AMPD3: variants seen among roughly 807,000 people sequenced by gnomAD.
AMPD3 encodes the protein adenosine monophosphate deaminase 3.
Under a neutral mutation model 82.3 loss-of-function variants are expected in AMPD3, and 57 were observed. That is an observed-to-expected ratio of 0.69 (90% confidence interval 0.56 to 0.86). The LOEUF is 0.86. AMPD3 is among the 40% of genes least tolerant of loss of function. AMPD3 has a pLI of 0.00. For synonymous variants in AMPD3, 381 were observed against 394.7 expected (o/e 0.97, Z 0.41); for missense variants, 870 against 1,003.8 (o/e 0.87, Z 1.80).
At chr11:10,452,524 C>T (rs375640064), upstream of AMPD3, among the ~76,000 whole-genome samples, 5 of 152,008 alleles carry the variant, frequency 3.3e-5, no homozygotes, top group East Asian at 9.7e-4. Flanking sequence ...GAAGGATGTT[C>T]CTCCTCCTGA....
chr11:10,494,871 C>A (rs199940738), intron 7 of AMPD3, 28 bp from the exon 8 acceptor site: 3 of 1,605,320 alleles, frequency 1.9e-6, no homozygotes, highest in Admixed American at 1.7e-5. Flanking sequence ...CAGAACGATG[C>A]GTTGATTGGT....
chr11:10,490,124 G>T (rs1849199170), intron 6 of AMPD3, among the ~76,000 whole-genome samples: 1 of 152,208 alleles, frequency 6.6e-6, no homozygotes, highest in South Asian at 2.1e-4. Flanking sequence ...GGCAGGAGCT[G>T]CGACGTGGCC....
intron 2 of AMPD3, among the ~76,000 whole-genome samples, chr11:10,462,429 G>A (rs928321998): frequency 6.6e-6 from 1 of 152,124 alleles, no homozygotes; most frequent in Non-Finnish European, 1.5e-5. Flanking sequence ...AGGTGGAGTC[G>A]CCCTGGGGAA....
upstream of AMPD3, chr11:10,450,870 G>T: frequency 1.3e-5 from 16 of 1,220,166 alleles, no homozygotes; most frequent in Non-Finnish European, 1.6e-5. Flanking sequence ...GCAGCGCTGC[G>T]CCCTCTGAAC....
chr11:10,497,731 G>A (rs1441651720), intron 10 of AMPD3: 8 of 985,180 alleles, frequency 8.1e-6, no homozygotes, highest in Admixed American at 6.2e-5. Context: ...CTGGAGGTGG[G>A]GGCAGGGGTG....
intron 2 of AMPD3, 62 bp from the exon 3 acceptor site, chr11:10,478,464 C>A: frequency 1.2e-6 from 2 of 1,601,968 alleles, no homozygotes; most frequent in Non-Finnish European, 1.7e-6. Flanking sequence ...AGCAAAGAGT[C>A]TTTATCACTC....
In AMPD3 at chr11:10,493,500, T is replaced by G; in HGVS notation, c.1091T>G (p.Met364Arg). ...CGGCAGGTGTTTGACGGCCTGCACATGGACCCCTACGACCTCACTGTGGAC... is the reference window on the plus strand; with the variant it reads ...CGGCAGGTGTTTGACGGCCTGCACAGGGACCCCTACGACCTCACTGTGGAC... ...TLRQVFDGLHMDPYDLTVDSL... is the reference protein window; with the variant it reads ...TLRQVFDGLHRDPYDLTVDSL... The change falls in exon 7 of 15, where the codon ATG becomes AGG. Residue 364 changes from methionine (M) to arginine (R), a missense_variant. By Grantham distance (91) the Met-to-Arg change is moderately conservative. Transcript: ENST00000396553. 2 of 1,614,200 alleles carry G rather than the reference T, an allele frequency of 1.2e-6. No homozygotes were observed. Among genetic ancestry groups the G allele is most frequent in the Non-Finnish European group, 1.7e-6 (2 of 1,180,030 alleles).
At chr11:10,481,323 C>A in intron 3 of AMPD3, 1 of 503,744 alleles carries the variant, frequency 2.0e-6, no homozygotes, top group Non-Finnish European at 2.6e-6. Context: ...CTGAAGGACA[C>A]ATGAATTTTC....
chr11:10,486,473 A>AC (rs1041359142), intron 5 of AMPD3: 1 of 818,480 alleles, frequency 1.2e-6, no homozygotes, highest in Non-Finnish European at 1.5e-6. Flanking sequence ...AGCAGTGAGC[A>AC]CCCCCATCCC....
At position 10,496,838 on chromosome 11, in the gene AMPD3, T is replaced by C; in HGVS notation, c.1457T>C (p.Leu486Pro). ...IYDIFRSKKLLPNFGKMLENI... is the reference protein window; with the variant it reads ...IYDIFRSKKLPPNFGKMLENI... Reference sequence around the variant, plus strand: ...GACATATTTAGGTCAAAGAAGCTGCTGCCAAACTTTGGGAAGATGCTGGAG... The same window carrying C: ...GACATATTTAGGTCAAAGAAGCTGCCGCCAAACTTTGGGAAGATGCTGGAG... Residue 486 changes from leucine (L) to proline (P), a missense_variant, in exon 10 of 15, where the codon CTG becomes CCG. Physicochemically the swap from Leu to Pro is moderately conservative, Grantham distance 98 (BLOSUM62 -3). Transcript: ENST00000396553. 1 of 1,614,190 alleles carries C rather than the reference T, an allele frequency of 6.2e-7. No homozygotes were observed. Among genetic ancestry groups the C allele is most frequent in the South Asian group, 1.1e-5 (1 of 91,086 alleles).
chr11:10,452,323 A>G (rs752558392), upstream of AMPD3, among the ~76,000 whole-genome samples: 5 of 152,146 alleles, frequency 3.3e-5, no homozygotes, highest in Non-Finnish European at 7.4e-5. Flanking sequence ...AAAGCTGCCC[A>G]TTGGCCTCCA....
At chr11:10,491,764 G>A (rs1481842756) in intron 6 of AMPD3, among the ~76,000 whole-genome samples, 2 of 152,188 alleles carry the variant, frequency 1.3e-5, no homozygotes, top group Non-Finnish European at 2.9e-5. Flanking sequence ...TCCAGAATCT[G>A]GGAGAAAATC....
intron 2 of AMPD3, among the ~76,000 whole-genome samples, chr11:10,474,035 A>G (rs1225953162): frequency 3.3e-5 from 5 of 151,922 alleles, no homozygotes; most frequent in African/African-American, 4.8e-5. Flanking sequence ...CTCTGACCCC[A>G]TTGCTCCACT....
At chr11:10,461,327 A>G (rs1292318786) in intron 1 of AMPD3, 188 bp from the exon 2 acceptor site, 27 of 1,580,016 alleles carry the variant, frequency 1.7e-5, no homozygotes, top group South Asian at 2.2e-5. Context: ...GTGGCCCTAC[A>G]TGCTTCACAT....
upstream of AMPD3, chr11:10,450,665 G>T: frequency 9.8e-7 from 1 of 1,022,664 alleles, no homozygotes; most frequent in Non-Finnish European, 1.2e-6. Flanking sequence ...AAGGGCCCTG[G>T]CGGCCGCCGC....
upstream of AMPD3, among the ~76,000 whole-genome samples, chr11:10,452,726 T>A (rs368956241): frequency 1.3e-5 from 2 of 152,238 alleles, no homozygotes; most frequent in East Asian, 3.8e-4. Flanking sequence ...ATGACAATGA[T>A]GTTGGCAGAT....
chr11:10,468,597 A>G lies in AMPD3; in HGVS notation c.221+6857A>G, dbSNP rs192073454. On this transcript the variant is annotated intron_variant, in intron 2 of 14. Coordinates refer to ENST00000396553, the MANE Select transcript of AMPD3 (RefSeq NM_001025389.2). ...GAGACTTTAACACCCCATTGTGAAT[A>G]TTAGACAGATCAACGAGACAAAATT... Among the ~76,000 whole-genome samples, 13 of 152,340 alleles carry G rather than the reference A, an allele frequency of 8.5e-5. No individual in the cohort carries two copies. In the East Asian group the frequency reaches 2.3e-3, roughly 27 times the overall value.
intron 2 of AMPD3, chr11:10,473,543 C>T: frequency 1.0e-6 from 1 of 985,354 alleles, no homozygotes; most frequent in Non-Finnish European, 1.2e-6. Context: ...TGTGAGTTTT[C>T]ACACCTGATT....
chr11:10,483,277 C>A (rs1163436299), intron 4 of AMPD3, among the ~76,000 whole-genome samples: 1 of 152,070 alleles, frequency 6.6e-6, no homozygotes, highest in Non-Finnish European at 1.5e-5. Context: ...CAGTAGGAAA[C>A]CCCACTCCTG....
Sources: gnomAD v4.1 joint callset for allele counts (sites outside exome capture counted in the v4.1 genomes callset) on GRCh38, gnomAD v4.1.1 for gene constraint, MANE v1.5 for transcripts, NCBI Gene and HGNC (gene_info 2026-07-23, HGNC 2026-07-21) for gene names.